IQGAP3: variants seen among roughly 807,000 people sequenced by gnomAD.
IQGAP3 encodes IQ motif containing GTPase activating protein 3.
In IQGAP3, 165 loss-of-function variants were observed where a neutral mutation model predicts 208.2. The observed-to-expected ratio is 0.79, with a 90% CI of 0.70 to 0.90. IQGAP3 has a LOEUF of 0.90. IQGAP3 is among the 40% of genes least tolerant of loss of function. The pLI is 0.00. For synonymous variants in IQGAP3, 703 were observed against 803.6 expected (o/e 0.87, Z 2.12); for missense variants, 1,811 against 2,043.1 (o/e 0.89, Z 2.19).
chr1:156,539,569 A>G (rs2102380377), intron 24 of IQGAP3, 32 bp from the exon 25 acceptor site: 1 of 1,609,858 alleles, frequency 6.2e-7, no homozygotes, highest in Non-Finnish European at 8.5e-7. Flanking sequence ...GGAATGGCTG[A>G]CCATGCACTT....
chr1:156,548,005 G>A, intron 19 of IQGAP3, 68 bp downstream of exon 19: 7 of 1,382,918 alleles, frequency 5.1e-6, no homozygotes, highest in Non-Finnish European at 6.9e-6. Flanking sequence ...TAAAAAGGAA[G>A]CAGCGTGGAT....
At chr1:156,567,450 T>C (rs1242454376) in intron 2 of IQGAP3, among the ~76,000 whole-genome samples, 1 of 152,198 alleles carries the variant, frequency 6.6e-6, no homozygotes, top group African/African-American at 2.4e-5. Context: ...ATGAGGATAA[T>C]GCCACCTGTA....
chr1:156,549,299 T>C (rs1675425145), intron 16 of IQGAP3, among the ~76,000 whole-genome samples: 2 of 152,022 alleles, frequency 1.3e-5, no homozygotes, highest in South Asian at 4.1e-4. Context: ...ATGTATTATA[T>C]GTGCCTACTA....
rs556882652 is a variant in IQGAP3 at position 156,566,282 on chromosome 1, T to C, written c.282+108A>G. ...AAACATAGATTAATAACACTCCCTTTTATCCAGATTTGGACAATAAGTTAT... is the reference window on the plus strand; with the variant it reads ...AAACATAGATTAATAACACTCCCTTCTATCCAGATTTGGACAATAAGTTAT... On this transcript the variant is annotated intron_variant, in intron 3 of 37. Coordinates refer to ENST00000361170, the MANE Select transcript of IQGAP3 (RefSeq NM_178229.5). 1.8e-4 allele frequency: 239 copies of C among 1,315,336 alleles called. 4 individuals are homozygous for C. The South Asian group carries it at 2.9e-3, about 16-fold the overall frequency. 81.5% of individuals were successfully genotyped at this position (1,315,336 alleles called of 1,614,324 possible).
At chr1:156,537,915 G>A (rs1230402422) in intron 26 of IQGAP3, among the ~76,000 whole-genome samples, 1 of 150,620 alleles carries the variant, frequency 6.6e-6, no homozygotes, top group Non-Finnish European at 1.5e-5. Flanking sequence ...TTTTTGCGGG[G>A]GGACAGAGTC....
chr1:156,562,722 G>C (rs756279748), intron 8 of IQGAP3, 57 bp from the exon 9 acceptor site: 33 of 1,374,584 alleles, frequency 2.4e-5, no homozygotes, highest in Non-Finnish European at 3.2e-5. Flanking sequence ...TCCTTGTCCT[G>C]CTCTTCCCTG....
At chr1:156,533,277 C>A (rs1184363869) in intron 31 of IQGAP3, among the ~76,000 whole-genome samples, 171 bp from the exon 32 acceptor site, 1 of 152,158 alleles carries the variant, frequency 6.6e-6, no homozygotes, top group East Asian at 1.9e-4. Context: ...GTGTCCCCAA[C>A]CCTTAGCACC....
Position 156,563,632 on chromosome 1 carries a change from G to A in IQGAP3, c.540C>T (p.Ala180=). Residue 180 remains alanine, a synonymous_variant, in exon 7 of 38, where the codon GCC becomes GCT. Transcript: ENST00000361170. Reference sequence around the variant, plus strand: ...AGGCAGGCAGCTGGAGGCCATATTTGGCCAGTTCGGACGCCATGTTGCTGA... The same window carrying A: ...AGGCAGGCAGCTGGAGGCCATATTTAGCCAGTTCGGACGCCATGTTGCTGA... ...EELSNMASEL[A]KYGLQLPAFS... The A allele has an allele frequency of 6.2e-7, 1 of 1,613,362 alleles. No homozygotes were observed. Among genetic ancestry groups the A allele is most frequent in the East Asian group, 2.2e-5 (1 of 44,836 alleles).
chr1:156,538,729 C>T, intron 26 of IQGAP3, 80 bp downstream of exon 26: 1 of 1,224,194 alleles, frequency 8.2e-7, no homozygotes, highest in Non-Finnish European at 1.2e-6. Context: ...TACACCCAAG[C>T]TTCCCCAGTA....
intron 37 of IQGAP3, among the ~76,000 whole-genome samples, chr1:156,527,704 C>A (rs1456524566): frequency 3.3e-5 from 5 of 152,176 alleles, no homozygotes; most frequent in African/African-American, 1.2e-4. Flanking sequence ...ATTAATCCTG[C>A]TTCTGACACC....
intron 4 of IQGAP3, among the ~76,000 whole-genome samples, chr1:156,565,055 C>G (rs887555281): frequency 2.0e-5 from 3 of 152,190 alleles, no homozygotes; most frequent in African/African-American, 4.8e-5. Flanking sequence ...CTATAGTGAG[C>G]CTGCATGCCT....
intron 32 of IQGAP3, among the ~76,000 whole-genome samples, chr1:156,532,098 G>A (rs1024181800): frequency 1.3e-5 from 2 of 152,078 alleles, no homozygotes; most frequent in Admixed American, 1.3e-4. Flanking sequence ...ACAAGAATGC[G>A]GAATTAGGCT....
intron 11 of IQGAP3, 123 bp from the exon 12 acceptor site, chr1:156,556,816 A>G: frequency 1.1e-6 from 1 of 901,040 alleles, no homozygotes; most frequent in South Asian, 2.0e-5. Context: ...TGCTCTCAAA[A>G]ATCTGCTAGG....
In IQGAP3 at chr1:156,526,615, C is replaced by A; in HGVS notation, c.4783-16G>T. The A allele has an allele frequency of 6.3e-7, 1 of 1,580,000 alleles. No homozygotes were observed. ...GCAGGAGATCCTAGGAGGGAAGAGG[C>A]AGGGAGGGGAGTTTAAGGGCTTCTG... is the stretch of plus-strand genomic sequence containing the variant. On this transcript the variant is annotated splice_polypyrimidine_tract_variant and intron_variant, in intron 37 of 37. Coordinates refer to ENST00000361170, the MANE Select transcript of IQGAP3 (RefSeq NM_178229.5).
chr1:156,572,533 C>T lies in IQGAP3; in HGVS notation c.-4G>A. On this transcript the variant is annotated 5_prime_UTR_variant, in exon 1 of 38. Transcript: ENST00000361170. ...GGCCCGCTGCTCTCCTCTCCATGTT[C>T]CTCCTTCTTCCAGGTTTGAATCTCC... 6.2e-7 allele frequency: 1 copy of T among 1,612,902 alleles called. No individual in the cohort carries two copies. Among genetic ancestry groups the T allele is most frequent in the South Asian group, 1.1e-5 (1 of 91,086 alleles).
intron 35 of IQGAP3, 46 bp downstream of exon 35, chr1:156,528,870 T>C: frequency 6.2e-7 from 1 of 1,607,084 alleles, no homozygotes; most frequent in South Asian, 1.1e-5. Flanking sequence ...TGGGCAGGGG[T>C]GAGAAGTCAC....
intron 19 of IQGAP3, among the ~76,000 whole-genome samples, chr1:156,546,686 GAGTGCTA>G (rs1675258284): frequency 6.6e-6 from 1 of 152,098 alleles, no homozygotes; most frequent in Non-Finnish European, 1.5e-5. Context: ...TGAGGAAACC[GAGTGCTA>G]GAGAGGGCAT....
intron 19 of IQGAP3, among the ~76,000 whole-genome samples, chr1:156,546,540 T>C (rs1675252450): frequency 6.6e-6 from 1 of 152,030 alleles, no homozygotes; most frequent in Non-Finnish European, 1.5e-5. Context: ...CTGTATTGAG[T>C]TCTGGGACCA....
intron 23 of IQGAP3, 52 bp downstream of exon 23, chr1:156,540,656 A>ATC: frequency 6.7e-7 from 1 of 1,502,660 alleles, no homozygotes; most frequent in Admixed American, 1.7e-5. Context: ...TCAGCATCAC[A>ATC]TCTCCAGAGG....
Sources: allele counts gnomAD v4.1 joint callset (sites outside exome capture counted in the v4.1 genomes callset), GRCh38; gene constraint gnomAD v4.1.1; transcripts MANE v1.5; gene names NCBI Gene and HGNC (gene_info 2026-07-23, HGNC 2026-07-21).